Variants in PAN3 observed in about 807,000 individuals in gnomAD.
PAN3 encodes PAN2-PAN3 deadenylation complex subunit PAN3.
PAN3 carries 19 observed loss-of-function variants against 96.2 expected under a neutral mutation model. That is an observed-to-expected ratio of 0.20 (90% CI 0.14 to 0.29). PAN3 has a LOEUF of 0.29. Ranked by LOEUF, PAN3 falls within the 10% of genes least tolerant of loss-of-function variation. PAN3 has a pLI of 1.00. For synonymous variants in PAN3, 433 were observed against 406.6 expected (o/e 1.06, Z -0.78); for missense variants, 882 against 1,108.1 (o/e 0.80, Z 2.90).
intron 1 of PAN3, among the ~76,000 whole-genome samples, chr13:28,139,514 T>TTGTG (rs10577740): frequency 0.022 from 2,051 of 93,098 alleles, 77 homozygotes; most frequent in Admixed American, 0.071. Flanking sequence ...AGGGGTGTGT[T>TTGTG]TGTGTGTGTG....
In PAN3 at chr13:28,212,170, G is replaced by T. The variant is rs555628287; in HGVS notation, c.853-8061G>T. Reference sequence around the variant, plus strand: ...TCAACAATTCTCAGATCTATACATGGCCAGGAGTAGTTCCTGTTCTCACTG... The same window carrying T: ...TCAACAATTCTCAGATCTATACATGTCCAGGAGTAGTTCCTGTTCTCACTG... On this transcript the variant is annotated intron_variant, in intron 5 of 18. Transcript: ENST00000380958. 4.6e-5 allele frequency among the ~76,000 whole-genome samples: 7 copies of T among 152,288 alleles called. No individual in the cohort carries two copies. In the East Asian group the frequency reaches 1.4e-3, roughly 29 times the overall value.
chr13:28,159,512 A>T (rs1373107032), intron 1 of PAN3, among the ~76,000 whole-genome samples: 5 of 152,148 alleles, frequency 3.3e-5, no homozygotes, highest in Non-Finnish European at 7.3e-5. Context: ...CAATGGCACA[A>T]ATCTTGGCTC....
chr13:28,256,510 G>A lies in PAN3; in HGVS notation c.1219G>A (p.Asp407Asn). 6.2e-7 allele frequency: 1 copy of A among 1,613,888 alleles called. No individual in the cohort carries two copies. Among genetic ancestry groups the A allele is most frequent in the Non-Finnish European group, 8.5e-7 (1 of 1,179,888 alleles). ...TVGGTTYFYT[D>N]TTPAPLTGMV... ...TGGTGGGACGACTTACTTCTATACA[G>A]ACACAACTCCAGCACCTTTGACTGG... The change falls in exon 7 of 19, where the codon GAC (aspartate) becomes AAC (asparagine). Residue 407 changes from aspartate to asparagine, a missense_variant. This residue lies in a region of PAN3 where 364 missense variants were observed against 513.6 expected (regional missense o/e 0.71). Coordinates refer to ENST00000380958, the MANE Select transcript of PAN3 (RefSeq NM_175854.8).
chr13:28,143,905 A>G (rs1322473331), intron 1 of PAN3, among the ~76,000 whole-genome samples: 1 of 152,218 alleles, frequency 6.6e-6, no homozygotes, highest in African/African-American at 2.4e-5. Flanking sequence ...TTAAGCCAAG[A>G]CTAGCCTTTT....
rs918349118 is a variant in PAN3 at position 28,214,178 on chromosome 13, A to G, written c.853-6053A>G. On this transcript the variant is annotated intron_variant, in intron 5 of 18. Coordinates refer to ENST00000380958, the MANE Select transcript of PAN3 (RefSeq NM_175854.8). Reference sequence around the variant, plus strand: ...TATATACGTACGTATTATATGCCCAAATCATTCACTGCTACGTTTTTAACC... The same window carrying G: ...TATATACGTACGTATTATATGCCCAGATCATTCACTGCTACGTTTTTAACC... Among the ~76,000 whole-genome samples, 3 of 152,244 alleles carry G rather than the reference A, an allele frequency of 2.0e-5. 1 individual carries two copies. Among genetic ancestry groups the G allele is most frequent in the South Asian group, 2.1e-4 (1 of 4,834 alleles).
chr13:28,172,143 G>A (rs1347102167), intron 1 of PAN3, among the ~76,000 whole-genome samples: 1 of 152,206 alleles, frequency 6.6e-6, no homozygotes, highest in Admixed American at 6.5e-5. Context: ...TTCTTTCGCA[G>A]TGTCACAGAC....
chr13:28,262,907 TAAATA>T (rs1460217939), intron 9 of PAN3, among the ~76,000 whole-genome samples: 1 of 152,186 alleles, frequency 6.6e-6, no homozygotes, highest in Non-Finnish European at 1.5e-5. Context: ...TACGCAGTAT[TAAATA>T]ATATAAATGA....
chr13:28,201,903 A>T (rs146726709), intron 5 of PAN3, among the ~76,000 whole-genome samples: 295 of 152,344 alleles, frequency 1.9e-3, no homozygotes, highest in Admixed American at 3.7e-3. Context: ...ACAAATCTGG[A>T]AAGTCTAGAA....
intron 6 of PAN3, among the ~76,000 whole-genome samples, chr13:28,248,340 A>T (rs1329069257): frequency 1.3e-5 from 2 of 152,076 alleles, no homozygotes; most frequent in Admixed American, 6.6e-5. Context: ...GGTGTTTCTA[A>T]ATATAATATC....
intron 6 of PAN3, among the ~76,000 whole-genome samples, chr13:28,231,333 G>C (rs1231642837): frequency 1.3e-5 from 2 of 152,136 alleles, no homozygotes; most frequent in Non-Finnish European, 2.9e-5. Flanking sequence ...TGTAGACCAG[G>C]AAAACAAAGT....
chr13:28,258,800 T>G (rs1885430851), intron 7 of PAN3, among the ~76,000 whole-genome samples: 1 of 152,198 alleles, frequency 6.6e-6, no homozygotes, highest in South Asian at 2.1e-4. Context: ...CTCAAGTCCC[T>G]GATATAGAAT....
At chr13:28,189,819 T>C (rs1163812700) in intron 4 of PAN3, among the ~76,000 whole-genome samples, 1 of 152,204 alleles carries the variant, frequency 6.6e-6, no homozygotes, top group African/African-American at 2.4e-5. Context: ...CATAATCTTT[T>C]ATTTTAGCAA....
At chr13:28,232,247 A>G (rs1270491899) in intron 6 of PAN3, among the ~76,000 whole-genome samples, 1 of 152,236 alleles carries the variant, frequency 6.6e-6, no homozygotes, top group Non-Finnish European at 1.5e-5. Context: ...GTTAAGATAG[A>G]CATTGAAGGA....
intron 1 of PAN3, 79 bp from the exon 2 acceptor site, chr13:28,174,193 T>A: frequency 7.0e-7 from 1 of 1,424,734 alleles, no homozygotes; most frequent in East Asian, 2.5e-5. Flanking sequence ...CTTTACAACT[T>A]ATTTAGGAAC....
intron 9 of PAN3, 87 bp downstream of exon 9, chr13:28,261,545 GT>G: frequency 8.1e-7 from 1 of 1,240,144 alleles, no homozygotes; most frequent in Non-Finnish European, 1.1e-6. Flanking sequence ...ATTAAGAAGA[GT>G]TCCAGGCTGG....
intron 17 of PAN3, among the ~76,000 whole-genome samples, chr13:28,286,886 A>G (rs1869050130): frequency 6.6e-6 from 1 of 152,190 alleles, no homozygotes; most frequent in Admixed American, 6.5e-5. Context: ...ATAAAGACCC[A>G]GTTTTAAAAC....
chr13:28,225,765 C>T (rs999292041), intron 6 of PAN3, among the ~76,000 whole-genome samples: 1 of 152,172 alleles, frequency 6.6e-6, no homozygotes, highest in Non-Finnish European at 1.5e-5. Context: ...AAAAAACTTT[C>T]CTATATGATA....
intron 14 of PAN3, among the ~76,000 whole-genome samples, chr13:28,275,608 G>A (rs1157780972): frequency 6.6e-6 from 1 of 152,178 alleles, no homozygotes; most frequent in Non-Finnish European, 1.5e-5. Context: ...TTTTGGCTGA[G>A]ATTTCTGTAA....
At chr13:28,216,788 C>T (rs1880822600) in intron 5 of PAN3, among the ~76,000 whole-genome samples, 1 of 151,108 alleles carries the variant, frequency 6.6e-6, no homozygotes, top group Admixed American at 6.6e-5. Context: ...CGTTATCATT[C>T]AACAGAAACT....
Sources: gnomAD v4.1 joint callset for allele counts (sites outside exome capture counted in the v4.1 genomes callset) on GRCh38, gnomAD v4.1.1 for gene constraint, gnomAD v4.1.1 regional missense constraint, MANE v1.5 for transcripts, NCBI Gene and HGNC (gene_info 2026-07-23, HGNC 2026-07-21) for gene names.